The following MAGI1 variants were observed in gnomAD, a reference collection of about 807,000 sequenced individuals.
The protein encoded by MAGI1 is membrane-associated guanylate kinase, WW and PDZ domain-containing protein 1.
A neutral mutation model predicts 139.9 loss-of-function variants in MAGI1; 58 were observed. That is an observed-to-expected ratio of 0.41 (90% CI 0.34 to 0.52). MAGI1 has a LOEUF of 0.52. Ranked by LOEUF, MAGI1 falls within the 20% of genes least tolerant of loss-of-function variation. The probability of loss-of-function intolerance (pLI) is 0.12; values close to 1 mark genes in which losing one functional copy is unlikely to be tolerated. For synonymous variants in MAGI1, 812 were observed against 737.9 expected, an observed-to-expected ratio of 1.10 and a Z score of -1.63; for missense variants, 1,874 against 1,901.6, an observed-to-expected ratio of 0.99 and a Z score of 0.27.
chr3:65,812,480 A>ACACACAGACG (rs1553711428), intron 1 of MAGI1, among the ~76,000 whole-genome samples: 3 of 146,110 alleles, frequency 2.1e-5, no homozygotes, highest in African/African-American at 7.6e-5. Context: ...ACACACACAC[A>ACACACAGACG]CACACACACA....
At chr3:65,542,325 G>A (rs544547747) in intron 2 of MAGI1, among the ~76,000 whole-genome samples, 4 of 152,156 alleles carry the variant, frequency 2.6e-5, no homozygotes, top group South Asian at 4.1e-4. Context: ...AGTCAATATC[G>A]TGAAAATGGC....
At chr3:65,722,161 T>C (rs1262399215) in intron 1 of MAGI1, among the ~76,000 whole-genome samples, 1 of 152,152 alleles carries the variant, frequency 6.6e-6, no homozygotes, top group Non-Finnish European at 1.5e-5. Context: ...TCTTGAGAGG[T>C]AGGTGGAATA....
chr3:65,659,466 C>A (rs2086069778), intron 1 of MAGI1, among the ~76,000 whole-genome samples: 1 of 152,180 alleles, frequency 6.6e-6, no homozygotes, highest in African/African-American at 2.4e-5. Context: ...TACTAAACCA[C>A]ACACTCACCA....
chr3:65,911,812 T>C (rs1056094724), intron 1 of MAGI1, among the ~76,000 whole-genome samples: 10 of 152,254 alleles, frequency 6.6e-5, no homozygotes, highest in Non-Finnish European at 1.5e-4. Flanking sequence ...CAGAAGGTGA[T>C]ACAAATATTT....
rs576263148 is a variant in MAGI1, at chr3:65,573,259, T to C, written c.430+48713A>G. Reference sequence around the variant, plus strand: ...ATTTAAAATCATTAGAACAAAAAAATTGCAAACCAATATTTCACAGGAACA... The same window carrying C: ...ATTTAAAATCATTAGAACAAAAAAACTGCAAACCAATATTTCACAGGAACA... On this transcript the variant is annotated intron_variant, in intron 2 of 22. Coordinates refer to ENST00000402939, the MANE Select transcript of MAGI1 (RefSeq NM_001033057.2). Among the ~76,000 whole-genome samples the C allele has an allele frequency of 7.2e-5, 11 of 152,098 alleles. No homozygotes were observed. The East Asian group carries it at 9.6e-4, about 13-fold the overall frequency.
In MAGI1 at chr3:65,379,427, C is replaced by A. The variant is rs1942850977; in HGVS notation, c.2829G>T (p.Ser943=). Residue 943 remains serine, a synonymous_variant, in exon 17 of 23, where the codon TCG becomes TCT. Coordinates refer to ENST00000402939, the MANE Select transcript of MAGI1 (RefSeq NM_001033057.2). ...GSQNSLNTVS[S]GSGSTSGIGS... ...CGATGCCGCTGGTGCTGCCGCTGCC[C>A]GAGCTCACCGTGTTCAGCGAGTTCT... The A allele has an allele frequency of 6.2e-7, 1 of 1,613,546 alleles. No homozygotes were observed. The highest frequency in any genetic ancestry group is 8.5e-7 in the Non-Finnish European group (1 of 1,179,704).
At chr3:65,959,811 T>TTTC (rs1385989630) in intron 1 of MAGI1, among the ~76,000 whole-genome samples, 1 of 122,506 alleles carries the variant, frequency 8.2e-6, no homozygotes, top group Non-Finnish European at 1.7e-5. Flanking sequence ...TTTTTTTTTT[T>TTTC]TTTTTTTTTT....
At chr3:65,941,108 G>C (rs1246153160) in intron 1 of MAGI1, among the ~76,000 whole-genome samples, 1 of 152,190 alleles carries the variant, frequency 6.6e-6, no homozygotes, top group African/African-American at 2.4e-5. Flanking sequence ...CACTTTGGGA[G>C]GCTGAGGTGG....
intron 1 of MAGI1, among the ~76,000 whole-genome samples, chr3:65,931,189 C>T (rs1188433487): frequency 2.0e-5 from 3 of 152,078 alleles, no homozygotes; most frequent in Non-Finnish European, 4.4e-5. Flanking sequence ...CGTGCCACCA[C>T]GCCCAGCTGA....
intron 19 of MAGI1, 57 bp from the exon 20 acceptor site, chr3:65,364,782 T>C: frequency 6.2e-7 from 1 of 1,607,322 alleles, no homozygotes; most frequent in Non-Finnish European, 8.5e-7. Context: ...TGAGAAAGAA[T>C]CAAGGACATA....
At chr3:65,870,594 G>T (rs1188462120) in intron 1 of MAGI1, among the ~76,000 whole-genome samples, 2 of 150,936 alleles carry the variant, frequency 1.3e-5, no homozygotes, top group African/African-American at 4.9e-5. Flanking sequence ...GAAGGAGGGA[G>T]GGAGAGGAGA....
At chr3:65,938,504 T>C (rs528659344) in intron 1 of MAGI1, among the ~76,000 whole-genome samples, 1 of 152,018 alleles carries the variant, frequency 6.6e-6, no homozygotes, top group Non-Finnish European at 1.5e-5. Context: ...AACCTCTGAA[T>C]GTCCCCTCCA....
intron 1 of MAGI1, among the ~76,000 whole-genome samples, chr3:65,678,832 G>C (rs1354915217): frequency 3.9e-5 from 6 of 152,170 alleles, no homozygotes; most frequent in Admixed American, 3.9e-4. Flanking sequence ...CTGAAAACCT[G>C]CAAAATTCCA....
chr3:65,795,134 C>T (rs749871820), intron 1 of MAGI1, among the ~76,000 whole-genome samples: 4 of 152,218 alleles, frequency 2.6e-5, no homozygotes, highest in Non-Finnish European at 5.9e-5. Flanking sequence ...CCAGCAATTG[C>T]TCTCTTGTGC....
intron 1 of MAGI1, among the ~76,000 whole-genome samples, chr3:65,762,656 T>A (rs2037129964): frequency 6.6e-6 from 1 of 152,218 alleles, no homozygotes; most frequent in Admixed American, 6.5e-5. Context: ...TTTAGTTATA[T>A]AACATGGGTG....
chr3:65,958,878 T>C (rs901990894), intron 1 of MAGI1, among the ~76,000 whole-genome samples: 3 of 151,912 alleles, frequency 2.0e-5, no homozygotes, highest in African/African-American at 7.3e-5. Flanking sequence ...TCCCAGCTCC[T>C]GGGGAGGTTG....
At chr3:65,981,835 A>T (rs574701728) in intron 1 of MAGI1, among the ~76,000 whole-genome samples, 1 of 152,218 alleles carries the variant, frequency 6.6e-6, no homozygotes, top group South Asian at 2.1e-4. Context: ...CCGCCTCCCC[A>T]GCCATGTGGA....
intron 1 of MAGI1, among the ~76,000 whole-genome samples, chr3:65,887,027 A>G (rs1474591080): frequency 6.6e-6 from 1 of 152,216 alleles, no homozygotes; most frequent in Non-Finnish European, 1.5e-5. Flanking sequence ...GCAAACTCAT[A>G]AAATACAAGG....
intron 1 of MAGI1, among the ~76,000 whole-genome samples, chr3:65,950,410 A>G (rs963011013): frequency 6.6e-6 from 1 of 152,124 alleles, no homozygotes; most frequent in Non-Finnish European, 1.5e-5. Flanking sequence ...CATGGCCCCA[A>G]AAGACTAAAA....
Sources: allele counts gnomAD v4.1 joint callset (sites outside exome capture counted in the v4.1 genomes callset), GRCh38; gene constraint gnomAD v4.1.1; transcripts MANE v1.5; gene names NCBI Gene and HGNC (gene_info 2026-07-23, HGNC 2026-07-21).